KIF3A: variants seen among roughly 807,000 people sequenced by gnomAD.
KIF3A encodes the protein kinesin-like protein KIF3A.
Under a neutral mutation model 92.6 loss-of-function variants are expected in KIF3A, and 27 were observed. The ratio of observed to expected loss-of-function variants is 0.29; its 90% CI spans 0.21 to 0.40. The LOEUF (loss-of-function observed/expected upper bound fraction) is 0.40, where lower values mean the gene tolerates loss of function less well. Ranked by LOEUF, KIF3A falls within the 10% of genes least tolerant of loss-of-function variation. The pLI, the probability that KIF3A is intolerant of heterozygous loss-of-function variation, is 1.00. For missense variants in KIF3A, 581 were observed against 872.6 expected (o/e 0.67, Z 4.21); for synonymous variants, 250 against 275.4 (o/e 0.91, Z 0.92).
At chr5:132,698,654 A>G (rs2023822) in intron 18 of KIF3A, among the ~76,000 whole-genome samples, 134,184 of 151,870 alleles carry the variant, frequency 0.88, 59,358 homozygotes, top group East Asian at 0.92. Context: ...TATTACTCAG[A>G]AGCCTAAGAA....
intron 5 of KIF3A, 46 bp from the exon 6 acceptor site, chr5:132,717,030 C>T (rs1254965072): frequency 6.3e-7 from 1 of 1,578,572 alleles, no homozygotes; most frequent in Non-Finnish European, 8.6e-7. Flanking sequence ...CAGAGAGTGC[C>T]TTTAAAAATA....
intron 2 of KIF3A, among the ~76,000 whole-genome samples, chr5:132,728,813 T>C (rs1025172913): frequency 6.6e-6 from 1 of 152,090 alleles, no homozygotes; most frequent in Non-Finnish European, 1.5e-5. Context: ...TGGCTCCTGC[T>C]ATAGTCCCAG....
chr5:132,718,462 A>G (rs1415956103), intron 5 of KIF3A, among the ~76,000 whole-genome samples: 6 of 152,080 alleles, frequency 3.9e-5, no homozygotes, highest in African/African-American at 1.2e-4. Context: ...GGTGCGCACC[A>G]CCACGCCCAG....
At chr5:132,724,802 AAAAAATATATATATAT>A (rs1561708598) in intron 4 of KIF3A, among the ~76,000 whole-genome samples, 6 of 33,328 alleles carry the variant, frequency 1.8e-4, no homozygotes, top group African/African-American at 7.1e-4. Context: ...TAAAAAAAAA[AAAAAATATATATATAT>A]ATATATATAT....
chr5:132,710,736 TACA>T (rs1219114346), intron 9 of KIF3A, among the ~76,000 whole-genome samples: 1 of 152,190 alleles, frequency 6.6e-6, no homozygotes, highest in African/African-American at 2.4e-5. Flanking sequence ...TATAGAGTCT[TACA>T]ATTCTAAATT....
rs954704521 is a variant in KIF3A, at chr5:132,695,942, A to G, written c.*692T>C. 16 of 152,392 alleles carry G rather than the reference A, an allele frequency of 1.0e-4. No individual in the cohort carries two copies. The highest frequency in any genetic ancestry group is 1.8e-4 in the Non-Finnish European group (12 of 68,046). 9.4% of individuals were successfully genotyped at this position (152,392 alleles called of 1,614,324 possible). On this transcript the variant is annotated 3_prime_UTR_variant, in exon 19 of 19. Transcript: ENST00000403231. ...ATTCAATGTTTCAAGAGAACATGAA[A>G]CCAGAACTTAAGGTGTATTTGATTT...
intron 4 of KIF3A, among the ~76,000 whole-genome samples, chr5:132,724,701 G>C (rs1561708357): frequency 2.7e-5 from 4 of 150,012 alleles, no homozygotes; most frequent in African/African-American, 7.4e-5. Flanking sequence ...TAAATGACGA[G>C]TTAATGGGTG....
chr5:132,717,160 T>G (rs1248290863), intron 5 of KIF3A, among the ~76,000 whole-genome samples, 176 bp from the exon 6 acceptor site: 1 of 152,224 alleles, frequency 6.6e-6, no homozygotes, highest in Non-Finnish European at 1.5e-5. Flanking sequence ...TCTCTTATAC[T>G]TTGTTGATAA....
At chr5:132,710,862 ATATAT>A in intron 9 of KIF3A, 92 bp downstream of exon 9, 1 of 1,506,948 alleles carries the variant, frequency 6.6e-7, no homozygotes, top group Non-Finnish European at 9.1e-7. Context: ...TTGTTATCTA[ATATAT>A]TAAACAGATA....
rs182390037 is a variant in KIF3A, at chr5:132,693,009, G to A, written c.*3625C>T. On this transcript the variant is annotated 3_prime_UTR_variant, in exon 19 of 19. Coordinates refer to ENST00000403231, the MANE Select transcript of KIF3A (RefSeq NM_001300791.2). Reference sequence around the variant, plus strand: ...TAATTCACAGCCCTGTAGGAAAGAAGACTTTCCTTAAGAGTTAAGGGGAAG... The same window carrying A: ...TAATTCACAGCCCTGTAGGAAAGAAAACTTTCCTTAAGAGTTAAGGGGAAG... The A allele has an allele frequency of 6.6e-6, 1 of 152,506 alleles. No homozygotes were observed. The highest frequency in any genetic ancestry group is 2.4e-5 in the African/African-American group (1 of 41,420). The allele number at this position is 152,506 out of a possible 1,614,324, so 9.4% of individuals were successfully genotyped here. A position where few individuals can be genotyped will look rare whatever the true frequency, so the allele number is the denominator to read the frequency against.
In KIF3A at chr5:132,701,831, C is replaced by T. The variant is rs529687623; in HGVS notation, c.1884+256G>A. On this transcript the variant is annotated intron_variant, in intron 15 of 18. Coordinates refer to ENST00000403231, the MANE Select transcript of KIF3A (RefSeq NM_001300791.2). ...TTTATTCTACTTGTATGATAATGGG[C>T]GCTGAATGAAGGAATGGGACCTACA... Among the ~76,000 whole-genome samples, 117 of 151,862 alleles carry T rather than the reference C, an allele frequency of 7.7e-4. 1 individual carries two copies. In the South Asian group the frequency reaches 0.023, roughly 30 times the overall value.
intron 2 of KIF3A, among the ~76,000 whole-genome samples, chr5:132,730,236 G>A (rs1172896888): frequency 6.6e-6 from 1 of 152,100 alleles, no homozygotes; most frequent in East Asian, 1.9e-4. Flanking sequence ...GGAGGCCAAG[G>A]CAGGCGGATC....
chr5:132,712,202 C>T (rs182874485), intron 8 of KIF3A, among the ~76,000 whole-genome samples: 2 of 152,250 alleles, frequency 1.3e-5, no homozygotes, highest in East Asian at 1.9e-4. Context: ...ATACCATTCT[C>T]CTACAGAAGG....
intron 8 of KIF3A, 141 bp downstream of exon 8, chr5:132,715,616 G>A (rs1446633225): frequency 3.4e-6 from 2 of 594,476 alleles, no homozygotes; most frequent in African/African-American, 3.9e-5. Context: ...TAAGTACCAA[G>A]TCACTTTCTA....
At chr5:132,696,717 T>C in intron 18 of KIF3A, 35 bp from the exon 19 acceptor site, 1 of 1,540,796 alleles carries the variant, frequency 6.5e-7, no homozygotes, top group Non-Finnish European at 9.0e-7. Context: ...TCATGAATGC[T>C]TTCCTAAAAG....
At position 132,737,422 on chromosome 5, in the gene KIF3A, T is replaced by G; in HGVS notation, c.-3A>C. On this transcript the variant is annotated 5_prime_UTR_variant, in exon 1 of 19. Transcript: ENST00000403231. ...GAAGCGACTCTCCTCACCGGCATCT[T>G]GGCCCCCTCCCGTGCCCGGCGGACG... 2.5e-6 allele frequency: 4 copies of G among 1,607,694 alleles called. No individual in the cohort carries two copies. Among genetic ancestry groups the G allele is most frequent in the Non-Finnish European group, 3.4e-6 (4 of 1,177,428 alleles).
intron 2 of KIF3A, among the ~76,000 whole-genome samples, chr5:132,730,065 A>T (rs934129618): frequency 3.9e-5 from 6 of 152,254 alleles, no homozygotes; most frequent in African/African-American, 1.4e-4. Context: ...TACATTCAAC[A>T]TACTAAAAGA....
At chr5:132,726,012 C>A (rs541887055) in intron 4 of KIF3A, 116 bp downstream of exon 4, 5 of 648,008 alleles carry the variant, frequency 7.7e-6, no homozygotes, top group South Asian at 4.5e-5. Context: ...TATATATGTA[C>A]GAGATTATTT....
chr5:132,704,818 A>G (rs571738974), intron 11 of KIF3A, among the ~76,000 whole-genome samples: 38 of 152,108 alleles, frequency 2.5e-4, no homozygotes, highest in African/African-American at 8.9e-4. Flanking sequence ...CTAACAAGGA[A>G]AAAGAACTGA....
Sources: allele counts gnomAD v4.1 joint callset (sites outside exome capture counted in the v4.1 genomes callset), GRCh38; gene constraint gnomAD v4.1.1; transcripts MANE v1.5; gene names NCBI Gene and HGNC (gene_info 2026-07-23, HGNC 2026-07-21).